NCAPG2: variants seen among roughly 807,000 people sequenced by gnomAD.
The protein encoded by NCAPG2 is condensin-2 complex subunit G2.
NCAPG2 carries 53 observed loss-of-function variants against 141.1 expected under a neutral mutation model. The ratio of observed to expected loss-of-function variants is 0.38; its 90% CI spans 0.30 to 0.47. The LOEUF (loss-of-function observed/expected upper bound fraction) is 0.47, where lower values mean the gene tolerates loss of function less well. Ranked by LOEUF, NCAPG2 falls within the 20% of genes least tolerant of loss-of-function variation. The probability of loss-of-function intolerance (pLI) is 0.99; values close to 1 mark genes in which losing one functional copy is unlikely to be tolerated. For missense variants in NCAPG2, 1,087 were observed against 1,389.0 expected, an observed-to-expected ratio of 0.78 and a Z score of 3.46; for synonymous variants, 499 against 490.7, an observed-to-expected ratio of 1.02 and a Z score of -0.22.
intron 22 of NCAPG2, among the ~76,000 whole-genome samples, chr7:158,653,398 ATAAT>A: frequency 6.6e-6 from 1 of 151,374 alleles, no homozygotes; most frequent in African/African-American, 2.4e-5. Context: ...AATAATAATA[ATAAT>A]TAAACAAAAA....
At chr7:158,646,244 G>T (rs1417783213) in intron 25 of NCAPG2, among the ~76,000 whole-genome samples, 1 of 151,658 alleles carries the variant, frequency 6.6e-6, no homozygotes, top group Non-Finnish European at 1.5e-5. Context: ...CTATTTAGAT[G>T]AATATTCTTT....
chr7:158,690,081 CAAATAA>C, intron 5 of NCAPG2, 128 bp from the exon 6 acceptor site: 2 of 979,048 alleles, frequency 2.0e-6, no homozygotes, highest in Non-Finnish European at 2.8e-6. Flanking sequence ...AAAATAACGA[CAAATAA>C]AAACAGATTT....
At chr7:158,655,935 G>C (rs1042538956) in intron 19 of NCAPG2, among the ~76,000 whole-genome samples, 3 of 152,258 alleles carry the variant, frequency 2.0e-5, no homozygotes, top group Non-Finnish European at 4.4e-5. Context: ...ACTGCAGGGA[G>C]TGAGTGTCCA....
Position 158,631,403 on chromosome 7 carries a change from T to G in NCAPG2, c.*263A>C. Reference sequence around the variant, plus strand: ...ACAACCAGGTTTGCTAGAAAAGTGTTTTTTCTTGGAATCATGGATTTCTAC... The same window carrying G: ...ACAACCAGGTTTGCTAGAAAAGTGTGTTTTCTTGGAATCATGGATTTCTAC... On this transcript the variant is annotated 3_prime_UTR_variant, in exon 28 of 28. Transcript: ENST00000356309. 4.5e-6 allele frequency: 2 copies of G among 441,170 alleles called. No individual in the cohort carries two copies. The highest frequency in any genetic ancestry group is 4.0e-5 in the East Asian group (1 of 24,730). 27.3% of individuals were successfully genotyped at this position (441,170 alleles called of 1,614,324 possible). A position where few individuals can be genotyped will look rare whatever the true frequency, so the allele number is the denominator to read the frequency against.
chr7:158,680,342 C>T (rs1162894331), intron 10 of NCAPG2, among the ~76,000 whole-genome samples: 1 of 152,170 alleles, frequency 6.6e-6, no homozygotes, highest in African/African-American at 2.4e-5. Flanking sequence ...ACTAAAGATA[C>T]CAGGTTGTCT....
chr7:158,702,499 G>C (rs538616018), intron 1 of NCAPG2, among the ~76,000 whole-genome samples: 5 of 152,332 alleles, frequency 3.3e-5, no homozygotes, highest in African/African-American at 1.2e-4. Context: ...GGGATAATGA[G>C]AGCTCAGGGG....
At chr7:158,641,544 A>G in intron 27 of NCAPG2, 1 of 653,424 alleles carries the variant, frequency 1.5e-6, no homozygotes, top group African/African-American at 1.9e-5. Context: ...CAACACAGCA[A>G]GTCCTCATAT....
chr7:158,677,525 C>CAAAAAAAAAAAAAAAAAAAAAAAAGA, intron 11 of NCAPG2, among the ~76,000 whole-genome samples: 1 of 90,404 alleles, frequency 1.1e-5, no homozygotes, highest in Non-Finnish European at 2.1e-5. Flanking sequence ...AAAAATAAAG[C>CAAAAAAAAAAAAAAAAAAAAAAAAGA]AAAAAAAAAA....
Position 158,654,620 on chromosome 7 carries a change from C to T in NCAPG2, c.2721G>A (p.Gln907=), listed in dbSNP as rs951558390. The change falls in exon 22 of 28, where the codon CAG becomes CAA. Residue 907 remains glutamine, a synonymous_variant. Transcript: ENST00000356309. ...GDHQFQMQLL[Q]RSLGIMQTVK... is the part of the protein sequence containing the mutation. The stretch of plus-strand genomic sequence containing the variant: ...CTGTTTGCATGATTCCAAGACTCCG[C>T]TGTAAGAGTTGCATCTGAAACTGAT... The T allele has an allele frequency of 6.2e-7, 1 of 1,614,096 alleles. No individual in the cohort carries two copies. The highest frequency in any genetic ancestry group is 1.3e-5 in the African/African-American group (1 of 75,030).
rs186739122 is a variant in NCAPG2, at chr7:158,636,592, G to A, written c.3381-4875C>T. ...AATTTTTGTACTTTTAGTAGAGACG[G>A]GGTTTCTCCATGTTGGTCAGGCTGG... On this transcript the variant is annotated intron_variant, in intron 27 of 27. Coordinates refer to ENST00000356309, the MANE Select transcript of NCAPG2 (RefSeq NM_017760.7). Among the ~76,000 whole-genome samples the A allele has an allele frequency of 8.8e-3, 1,336 of 151,924 alleles. 11 individuals are homozygous for A. The highest frequency in any genetic ancestry group is 0.017 in the Middle Eastern group (5 of 294).
chr7:158,696,474 T>C (rs910398177), intron 2 of NCAPG2: 4 of 152,204 alleles, frequency 2.6e-5, no homozygotes, highest in Non-Finnish European at 4.4e-5. Context: ...TGTGATTATA[T>C]AACAGAATAT....
chr7:158,680,172 AT>A (rs758426166), intron 10 of NCAPG2, 87 bp from the exon 11 acceptor site: 1 of 1,334,306 alleles, frequency 7.5e-7, no homozygotes, highest in Non-Finnish European at 1.0e-6. Context: ...TAACACTTTA[AT>A]TATCTTGATA....
Position 158,704,744 on chromosome 7 carries a change from T to C in NCAPG2, c.-60A>G, listed in dbSNP as rs1184456434. ...CTTACCTGGGCTCGGGGACCCGCCG[T>C]TTCCCGCGCTCGGACCAGATTCAAA... On this transcript the variant is annotated 5_prime_UTR_variant, in exon 1 of 28. Transcript: ENST00000356309. 6.6e-6 allele frequency: 1 copy of C among 152,174 alleles called. No individual in the cohort carries two copies. The highest frequency in any genetic ancestry group is 1.5e-5 in the Non-Finnish European group (1 of 68,132). The allele number at this position is 152,174 out of a possible 1,614,324, so 9.4% of individuals were successfully genotyped here.
intron 6 of NCAPG2, among the ~76,000 whole-genome samples, chr7:158,688,784 G>A (rs897593642): frequency 2.6e-5 from 4 of 152,228 alleles, no homozygotes; most frequent in African/African-American, 9.6e-5. Context: ...AAAGGTCTCA[G>A]TCCTAATCAC....
Position 158,680,824 on chromosome 7 carries a change from C to T in NCAPG2, c.925-8G>A, listed in dbSNP as rs145268029. 1 of 1,558,420 alleles carries T rather than the reference C, an allele frequency of 6.4e-7. No individual in the cohort carries two copies. The highest frequency in any genetic ancestry group is 8.7e-7 in the Non-Finnish European group (1 of 1,153,732). On this transcript the variant is annotated splice_polypyrimidine_tract_variant and splice_region_variant and intron_variant, in intron 9 of 27. Coordinates refer to ENST00000356309, the MANE Select transcript of NCAPG2 (RefSeq NM_017760.7). ...GTGAAAGTAACTCAGAACCTAAGGA[C>T]CAAAAAAAGGAAAAGGAAGGCATTA...
At chr7:158,677,388 T>C (rs12113120) in intron 11 of NCAPG2, among the ~76,000 whole-genome samples, 137,666 of 151,946 alleles carry the variant, frequency 0.91, 62,428 homozygotes, top group East Asian at 0.96. Context: ...ACCTGAGACA[T>C]GACTCTACAC....
intron 15 of NCAPG2, among the ~76,000 whole-genome samples, chr7:158,663,071 C>G (rs1832644203): frequency 6.6e-6 from 1 of 152,262 alleles, no homozygotes; most frequent in Non-Finnish European, 1.5e-5. Flanking sequence ...GTCAACGCGG[C>G]AAGCCACACG....
At position 158,631,399 on chromosome 7, in the gene NCAPG2, G is replaced by T; in HGVS notation, c.*267C>A. 1 of 433,520 alleles carries T rather than the reference G, an allele frequency of 2.3e-6. No homozygotes were observed. The highest frequency in any genetic ancestry group is 4.0e-6 in the Non-Finnish European group (1 of 249,692). The allele number at this position is 433,520 out of a possible 1,614,324, so 26.9% of individuals were successfully genotyped here. A position where few individuals can be genotyped will look rare whatever the true frequency, so the allele number is the denominator to read the frequency against. On this transcript the variant is annotated 3_prime_UTR_variant, in exon 28 of 28. Transcript: ENST00000356309. The stretch of plus-strand genomic sequence containing the variant: ...AAAAACAACCAGGTTTGCTAGAAAA[G>T]TGTTTTTTCTTGGAATCATGGATTT...
At chr7:158,645,083 T>C (rs1405397037) in intron 26 of NCAPG2, among the ~76,000 whole-genome samples, 1 of 152,258 alleles carries the variant, frequency 6.6e-6, no homozygotes, top group East Asian at 1.9e-4. Flanking sequence ...CTGGTTGGGA[T>C]ATTCAGAATA....
Sources: gnomAD v4.1 joint callset for allele counts (sites outside exome capture counted in the v4.1 genomes callset) on GRCh38, gnomAD v4.1.1 for gene constraint, MANE v1.5 for transcripts, NCBI Gene and HGNC (gene_info 2026-07-23, HGNC 2026-07-21) for gene names.